KDM4C: variants seen among roughly 807,000 people sequenced by gnomAD.
KDM4C encodes lysine-specific demethylase 4C.
KDM4C carries 81 observed loss-of-function variants against 129.3 expected under a neutral mutation model. That is an observed-to-expected ratio of 0.63 (90% CI 0.52 to 0.75). The LOEUF (loss-of-function observed/expected upper bound fraction) is 0.75. KDM4C is among the 30% of genes least tolerant of loss of function. KDM4C has a pLI of 0.00. For missense variants in KDM4C, 1,457 were observed against 1,304.0 expected, an observed-to-expected ratio of 1.12 and a Z score of -1.81; for synonymous variants, 573 against 456.1, an observed-to-expected ratio of 1.26 and a Z score of -3.26.
chr9:6,936,999 C>T (rs529874742), intron 8 of KDM4C, among the ~76,000 whole-genome samples: 4 of 152,132 alleles, frequency 2.6e-5, no homozygotes, highest in Admixed American at 6.5e-5. Flanking sequence ...CCTGTAGTTA[C>T]ATATAATATT....
chr9:7,076,331 G>A (rs1440226272), intron 17 of KDM4C: 1 of 774,544 alleles, frequency 1.3e-6, no homozygotes, highest in East Asian at 2.7e-5. Context: ...TGTCTGAGCT[G>A]GGATTAAATT....
chr9:6,986,446 A>G lies in KDM4C; in HGVS notation c.1457A>G (p.Asp486Gly), dbSNP rs771005882. ...SVPSISSEAD[D>G]SIPLSSGYEK... ...CCTTCTATATCCAGTGAGGCTGATG[A>G]TTCCATTCCATTGTCTAGTGGCTAT... Residue 486 changes from aspartate to glycine, a missense_variant, in exon 11 of 22, where the codon GAT (aspartate) becomes GGT (glycine). Transcript: ENST00000381309. The G allele has an allele frequency of 1.2e-6, 2 of 1,614,164 alleles. No homozygotes were observed. Among genetic ancestry groups the G allele is most frequent in the Non-Finnish European group, 1.7e-6 (2 of 1,180,004 alleles).
In KDM4C at chr9:6,808,007, CT is replaced by C. The variant is rs1266125841; in HGVS notation, c.320+2234del. Among the ~76,000 whole-genome samples the C allele has an allele frequency of 7.0e-5, 8 of 113,824 alleles. 1 individual carries two copies. Among genetic ancestry groups the C allele is most frequent in the Admixed American group, 1.6e-4 (2 of 12,744 alleles). The allele number at this position is 113,824 out of a possible 152,430, so 74.7% of individuals were successfully genotyped here. On this transcript the variant is annotated intron_variant, in intron 3 of 21. Coordinates refer to ENST00000381309, the MANE Select transcript of KDM4C (RefSeq NM_015061.6). ...AGGGAGGTGGGGGGGGTCAGCCCCC[CT>C]GCCCGGCCAGCCGCCCCGTCCGGGA...
intron 8 of KDM4C, chr9:6,974,998 C>T (rs531959640): frequency 6.6e-5 from 10 of 152,284 alleles, no homozygotes; most frequent in South Asian, 2.1e-4. Context: ...TTGGAGACCC[C>T]GGAGCAAACT....
intron 3 of KDM4C, among the ~76,000 whole-genome samples, chr9:6,809,629 G>A (rs1396053507): frequency 6.6e-6 from 1 of 152,186 alleles, no homozygotes; most frequent in African/African-American, 2.4e-5. Flanking sequence ...CATTTTGTAG[G>A]CACTATTGAG....
intron 17 of KDM4C, among the ~76,000 whole-genome samples, chr9:7,085,871 T>C (rs929281782): frequency 6.6e-6 from 1 of 152,098 alleles, no homozygotes; most frequent in South Asian, 2.1e-4. Context: ...AAAAAAATTA[T>C]TGGGCCAGGT....
chr9:6,980,183 A>G (rs1273224903), intron 8 of KDM4C, among the ~76,000 whole-genome samples: 1 of 152,218 alleles, frequency 6.6e-6, no homozygotes, highest in African/African-American at 2.4e-5. Context: ...CCTGTTGCGT[A>G]GTGCTGGCCT....
rs1028845912 is a variant in KDM4C, at chr9:6,730,002, C to A, written c.49+9005C>A. 1.5e-5 allele frequency among the ~76,000 whole-genome samples: 2 copies of A among 133,876 alleles called. 1 individual carries two copies. Among genetic ancestry groups the A allele is most frequent in the Admixed American group, 1.6e-4 (2 of 12,574 alleles). The allele number at this position is 133,876 out of a possible 152,430, so 87.8% of individuals were successfully genotyped here. A position where few individuals can be genotyped will look rare whatever the true frequency, so the allele number is the denominator to read the frequency against. On this transcript the variant is annotated intron_variant, in intron 1 of 17. Coordinates refer to the KDM4C transcript ENST00000536108. ...GTGCACGCCTGTAGTCCGAACTACT[C>A]TGCAGGCTGAGGCAGGAGAATCGCT...
intron 15 of KDM4C, among the ~76,000 whole-genome samples, chr9:7,042,583 T>C (rs1828773245): frequency 1.3e-5 from 2 of 152,054 alleles, no homozygotes; most frequent in South Asian, 2.1e-4. Context: ...TGATTATTTA[T>C]GGAAATGAGC....
At chr9:6,971,694 A>G (rs1041774563) in intron 8 of KDM4C, among the ~76,000 whole-genome samples, 3 of 152,218 alleles carry the variant, frequency 2.0e-5, no homozygotes, top group Non-Finnish European at 4.4e-5. Context: ...TATTTATGAC[A>G]TGTTTCATAT....
At chr9:6,929,522 G>A (rs1259390709) in intron 8 of KDM4C, among the ~76,000 whole-genome samples, 5 of 141,486 alleles carry the variant, frequency 3.5e-5, no homozygotes, top group Non-Finnish European at 6.0e-5. Context: ...GACAGTGTAT[G>A]TAAATGATAA....
intron 8 of KDM4C, among the ~76,000 whole-genome samples, chr9:6,894,511 T>G (rs546387819): frequency 6.6e-6 from 1 of 152,354 alleles, no homozygotes; most frequent in East Asian, 1.9e-4. Context: ...AGGTCTGTTA[T>G]TTTATAGTTT....
At chr9:6,824,412 C>A (rs1050778994) in intron 4 of KDM4C, among the ~76,000 whole-genome samples, 1 of 152,018 alleles carries the variant, frequency 6.6e-6, no homozygotes, top group Admixed American at 6.6e-5. Context: ...GGGAGGGCTT[C>A]GGATGAGAAG....
At chr9:6,872,899 A>G (rs759911557) in intron 5 of KDM4C, among the ~76,000 whole-genome samples, 1 of 152,298 alleles carries the variant, frequency 6.6e-6, no homozygotes, top group South Asian at 2.1e-4. Flanking sequence ...TTCGCCTTTA[A>G]CAATAGAGTT....
In KDM4C at chr9:6,971,639, A is replaced by G. The variant is rs144388557; in HGVS notation, c.922-9286A>G. On this transcript the variant is annotated intron_variant, in intron 8 of 21. Coordinates refer to ENST00000381309, the MANE Select transcript of KDM4C (RefSeq NM_015061.6). ...ATGCATAGTTAGAAATCTGTATTGT[A>G]GTTTGTAGATGAATGTCATTTCCTG... Among the ~76,000 whole-genome samples the G allele has an allele frequency of 4.4e-3, 676 of 152,296 alleles. 9 individuals carry two copies. Among genetic ancestry groups the G allele is most frequent in the African/African-American group, 0.016 (651 of 41,564 alleles).
At chr9:7,019,132 G>C (rs1289654314) in intron 15 of KDM4C, among the ~76,000 whole-genome samples, 1 of 152,164 alleles carries the variant, frequency 6.6e-6, no homozygotes, top group Non-Finnish European at 1.5e-5. Context: ...AAAAGTAACT[G>C]ACAGTATTGA....
intron 21 of KDM4C, among the ~76,000 whole-genome samples, chr9:7,173,786 T>C (rs1845190690): frequency 6.6e-6 from 1 of 152,064 alleles, no homozygotes; most frequent in Admixed American, 6.5e-5. Flanking sequence ...TTAGGACAGG[T>C]TGATTTGAAG....
intron 17 of KDM4C, among the ~76,000 whole-genome samples, chr9:7,086,994 C>T (rs1026169663): frequency 6.6e-6 from 1 of 152,094 alleles, no homozygotes; most frequent in Non-Finnish European, 1.5e-5. Flanking sequence ...AGACCTCTGG[C>T]ATGCCAGATG....
chr9:7,079,820 G>T (rs1834329200), intron 17 of KDM4C, among the ~76,000 whole-genome samples: 1 of 152,156 alleles, frequency 6.6e-6, no homozygotes, highest in South Asian at 2.1e-4. Flanking sequence ...ATCTCTTAGA[G>T]AATTAATTTT....
Sources: allele counts gnomAD v4.1 joint callset (sites outside exome capture counted in the v4.1 genomes callset), GRCh38; gene constraint gnomAD v4.1.1; transcripts MANE v1.5; gene names NCBI Gene and HGNC (gene_info 2026-07-23, HGNC 2026-07-21).